The following POM121C variants were observed in gnomAD, a reference collection of about 807,000 sequenced individuals.
The protein encoded by POM121C is POM121 transmembrane nucleoporin C, also known as nuclear envelope pore membrane protein POM 121C.
POM121C carries 20 observed loss-of-function variants against 66.4 expected under a neutral mutation model. That is an observed-to-expected ratio of 0.30 (90% CI 0.21 to 0.44). POM121C has a LOEUF of 0.44. Among genes scored for constraint, POM121C ranks in the 20% least tolerant of loss-of-function variants. The pLI is 1.00. For synonymous variants in POM121C, 286 were observed against 528.0 expected, an observed-to-expected ratio of 0.54 and a Z score of 6.28; for missense variants, 580 against 1,225.7, an observed-to-expected ratio of 0.47 and a Z score of 7.87.
chr7:75,463,545 C>G (rs1395640990), intron 3 of POM121C, among the ~76,000 whole-genome samples: 4 of 150,090 alleles, frequency 2.7e-5, no homozygotes, highest in Non-Finnish European at 5.9e-5. Context: ...GAGAGACTTT[C>G]AGAGACCGCA....
chr7:75,483,620 G>C (rs1792397789), intron 1 of POM121C, among the ~76,000 whole-genome samples: 4 of 152,106 alleles, frequency 2.6e-5, no homozygotes, highest in African/African-American at 9.7e-5. Flanking sequence ...TGTGAGAATG[G>C]ACTAATACAG....
intron 3 of POM121C, among the ~76,000 whole-genome samples, chr7:75,473,867 T>A (rs1791967776): frequency 1.3e-5 from 2 of 151,970 alleles, no homozygotes; most frequent in South Asian, 4.2e-4. Flanking sequence ...TTTTTGTATT[T>A]TTAGTAGAGA....
At chr7:75,467,572 C>T (rs1459438124) in intron 3 of POM121C, among the ~76,000 whole-genome samples, 5 of 148,316 alleles carry the variant, frequency 3.4e-5, no homozygotes, top group African/African-American at 5.0e-5. Flanking sequence ...ATAAAGCAGG[C>T]GGAATAAATC....
At chr7:75,463,997 T>C (rs1348059016) in intron 3 of POM121C, among the ~76,000 whole-genome samples, 2 of 146,668 alleles carry the variant, frequency 1.4e-5, no homozygotes, top group Non-Finnish European at 3.0e-5. Context: ...CTGGACTCTT[T>C]TTTTCTTTTT....
At chr7:75,452,459 C>T (rs1554475665) in intron 3 of POM121C, among the ~76,000 whole-genome samples, 1 of 152,030 alleles carries the variant, frequency 6.6e-6, no homozygotes, top group East Asian at 1.9e-4. Context: ...CAAAAACAAA[C>T]AAAAAAACAG....
At chr7:75,443,493 A>T (rs1409679976) in intron 3 of POM121C, among the ~76,000 whole-genome samples, 6 of 151,810 alleles carry the variant, frequency 4.0e-5, no homozygotes, top group African/African-American at 7.3e-5. Context: ...GTTTCCTCAG[A>T]CATTCATTCA....
intron 1 of POM121C, among the ~76,000 whole-genome samples, chr7:75,481,152 T>C (rs1290736144): frequency 6.7e-6 from 1 of 149,992 alleles, no homozygotes; most frequent in Non-Finnish European, 1.5e-5. Context: ...GATTTCTTTG[T>C]AAAATCCTTG....
At chr7:75,428,103 C>A (rs1363268250) in intron 7 of POM121C, among the ~76,000 whole-genome samples, 1 of 151,832 alleles carries the variant, frequency 6.6e-6, no homozygotes, top group Non-Finnish European at 1.5e-5. Context: ...CTGACACTAC[C>A]TCGCTGGTTC....
rs587722523 is a variant in POM121C at position 75,420,790 on chromosome 7, C to T, written c.2743+719G>A. ...TAAGACCCAAACACCCAACCCTGGCCACAAACAATCCTCGCCTCTTGGCCT... is the reference window on the plus strand; with the variant it reads ...TAAGACCCAAACACCCAACCCTGGCTACAAACAATCCTCGCCTCTTGGCCT... On this transcript the variant is annotated intron_variant, in intron 13 of 14. Transcript: ENST00000615331. The T allele has an allele frequency of 2.9e-4, 44 of 153,662 alleles. No homozygotes were observed. The South Asian group carries it at 6.3e-3, about 22-fold the overall frequency. The allele number at this position is 153,662 out of a possible 1,614,324, so 9.5% of individuals were successfully genotyped here.
chr7:75,421,358 A>G, intron 13 of POM121C, 151 bp downstream of exon 13: 2 of 1,480,342 alleles, frequency 1.4e-6, no homozygotes, highest in Admixed American at 4.9e-5. Context: ...CTACGTTAGC[A>G]AAACATGTAT....
At chr7:75,437,733 T>G in intron 6 of POM121C, 47 bp from the exon 7 acceptor site, 1 of 1,527,870 alleles carries the variant, frequency 6.5e-7, no homozygotes, top group Admixed American at 2.0e-5. Flanking sequence ...GGCAACATTC[T>G]TTTACGATTT....
At chr7:75,474,989 G>A (rs1280812569) in intron 2 of POM121C, 73 bp downstream of exon 2, 3 of 1,486,200 alleles carry the variant, frequency 2.0e-6, no homozygotes, top group South Asian at 1.1e-5. Context: ...AAATGGTGTT[G>A]CCACTTATTT....
At chr7:75,468,148 A>G (rs1343031957) in intron 3 of POM121C, among the ~76,000 whole-genome samples, 66 of 142,168 alleles carry the variant, frequency 4.6e-4, no homozygotes, top group Non-Finnish European at 7.3e-4. Flanking sequence ...AAAAAAAAAA[A>G]AAAAGAAAAG....
intron 1 of POM121C, among the ~76,000 whole-genome samples, chr7:75,477,128 C>CACACACACACAT (rs2116536885): frequency 6.6e-6 from 1 of 150,936 alleles, no homozygotes; most frequent in East Asian, 1.9e-4. Flanking sequence ...CACACACACA[C>CACACACACACAT]ACACACTCTT....
At chr7:75,421,256 A>C in intron 13 of POM121C, 2 of 1,137,004 alleles carry the variant, frequency 1.8e-6, no homozygotes, top group South Asian at 1.6e-5. Context: ...GATTACAAGC[A>C]TGAGCCACTG....
At chr7:75,449,322 C>A (rs1554475289) in intron 3 of POM121C, among the ~76,000 whole-genome samples, 1 of 150,074 alleles carries the variant, frequency 6.7e-6, no homozygotes, top group Non-Finnish European at 1.5e-5. Flanking sequence ...AGGACTGGGG[C>A]AAAACCTGAC....
chr7:75,482,694 A>G (rs1554480308), intron 1 of POM121C, among the ~76,000 whole-genome samples: 2 of 152,128 alleles, frequency 1.3e-5, no homozygotes, highest in East Asian at 3.8e-4. Flanking sequence ...TATCTCAAAA[A>G]AAGAAAAAAA....
intron 3 of POM121C, among the ~76,000 whole-genome samples, chr7:75,465,056 G>A (rs369732656): frequency 1.3e-5 from 2 of 149,862 alleles, no homozygotes; most frequent in East Asian, 2.0e-4. Context: ...GTGCAATGGC[G>A]TGATCTCAGC....
intron 6 of POM121C, among the ~76,000 whole-genome samples, chr7:75,437,910 C>T (rs1790476128): frequency 6.6e-6 from 1 of 152,000 alleles, no homozygotes; most frequent in African/African-American, 2.4e-5. Flanking sequence ...AAATGCATAC[C>T]TATCTACAGT....
Sources: allele counts gnomAD v4.1 joint callset (sites outside exome capture counted in the v4.1 genomes callset), GRCh38; gene constraint gnomAD v4.1.1; transcripts MANE v1.5; gene names NCBI Gene and HGNC (gene_info 2026-07-23, HGNC 2026-07-21).